Variants in LRRC58 observed in about 807,000 individuals in gnomAD.
LRRC58 encodes the protein leucine-rich repeat-containing protein 58.
Under a neutral mutation model 30.6 loss-of-function variants are expected in LRRC58, and 18 were observed. That is an observed-to-expected ratio of 0.59 (90% CI 0.41 to 0.87). The LOEUF (loss-of-function observed/expected upper bound fraction) is 0.87. LRRC58 is among the 40% of genes least tolerant of loss of function. The probability of loss-of-function intolerance (pLI) is 0.00; values close to 1 mark genes in which losing one functional copy is unlikely to be tolerated. For missense variants in LRRC58, 420 were observed against 468.4 expected (o/e 0.90, Z 0.95); for synonymous variants, 221 against 206.0 (o/e 1.07, Z -0.62).
At position 120,332,698 on chromosome 3, in the gene LRRC58, A is replaced by G. The variant is rs930438347; in HGVS notation, c.908-1290T>C. Among the ~76,000 whole-genome samples, 14 of 152,162 alleles carry G rather than the reference A, an allele frequency of 9.2e-5. 1 individual carries two copies. The highest frequency in any genetic ancestry group is 4.6e-4 in the Admixed American group (7 of 15,276). On this transcript the variant is annotated intron_variant, in intron 3 of 3. Coordinates refer to ENST00000295628, the MANE Select transcript of LRRC58 (RefSeq NM_001099678.2). Reference sequence around the variant, plus strand: ...TACAGTTTAATAACTAACGAATTTGAGGGGGAAAATGTCTAATGGTTCATT... The same window carrying G: ...TACAGTTTAATAACTAACGAATTTGGGGGGGAAAATGTCTAATGGTTCATT...
chr3:120,330,859 T>C lies in LRRC58; in HGVS notation c.*341A>G, dbSNP rs992353454. The C allele has an allele frequency of 1.7e-5, 5 of 301,690 alleles. No homozygotes were observed. Among genetic ancestry groups the C allele is most frequent in the African/African-American group, 1.1e-4 (5 of 46,066 alleles). 18.7% of individuals were successfully genotyped at this position (301,690 alleles called of 1,614,324 possible). ...CTTTGATAATTTCTCACTTTCTCCA[T>C]CTCAATGTCCAAAAGTTATACTACT... On this transcript the variant is annotated 3_prime_UTR_variant, in exon 4 of 4. Coordinates refer to ENST00000295628, the MANE Select transcript of LRRC58 (RefSeq NM_001099678.2).
In LRRC58 at chr3:120,349,086, T is replaced by C; in HGVS notation, c.158A>G (p.His53Arg). Reference protein sequence around the residue: ...REALLRLLLPHNRLVSLPRAL... With the variant: ...REALLRLLLPRNRLVSLPRAL... ...CCGTGGCAGCGACACCAGACGGTTG[T>C]GAGGCAGCAGCAGCCGCAGCAGCGC... Residue 53 changes from histidine to arginine, a missense_variant, in exon 1 of 4, where the codon CAC becomes CGC. Physicochemically the swap from His to Arg is conservative, Grantham distance 29. Around this residue, in one of 2 missense-constraint regions of LRRC58, gnomAD observed 266 missense variants for 251.7 expected, o/e 1.06. Transcript: ENST00000295628. 1.3e-6 allele frequency: 2 copies of C among 1,515,332 alleles called. No individual in the cohort carries two copies. Among genetic ancestry groups the C allele is most frequent in the Non-Finnish European group, 1.8e-6 (2 of 1,140,340 alleles). 93.9% of individuals were successfully genotyped at this position (1,515,332 alleles called of 1,614,324 possible). A position where few individuals can be genotyped will look rare whatever the true frequency, so the allele number is the denominator to read the frequency against.
At chr3:120,333,565 T>C (rs1935790728) in intron 3 of LRRC58, among the ~76,000 whole-genome samples, 1 of 152,236 alleles carries the variant, frequency 6.6e-6, no homozygotes. Context: ...CTTTTAACCT[T>C]GTAATAGCTT....
chr3:120,335,665 A>G (rs1467297127), intron 2 of LRRC58, among the ~76,000 whole-genome samples, 160 bp downstream of exon 2: 2 of 152,258 alleles, frequency 1.3e-5, no homozygotes, highest in African/African-American at 2.4e-5. Context: ...GTGAAATTAA[A>G]AAAACTCAGC....
chr3:120,346,722 A>C (rs987132413), intron 1 of LRRC58, among the ~76,000 whole-genome samples: 1 of 152,128 alleles, frequency 6.6e-6, no homozygotes, highest in Non-Finnish European at 1.5e-5. Context: ...TTTTCTCGAA[A>C]TCTTCCATTT....
rs923223599 is a variant in LRRC58 at position 120,326,717 on chromosome 3, G to A, written c.*4483C>T. 6.6e-6 allele frequency: 1 copy of A among 151,996 alleles called. No individual in the cohort carries two copies. The highest frequency in any genetic ancestry group is 6.6e-5 in the Admixed American group (1 of 15,260). 9.4% of individuals were successfully genotyped at this position (151,996 alleles called of 1,614,324 possible). On this transcript the variant is annotated 3_prime_UTR_variant, in exon 4 of 4. Coordinates refer to ENST00000295628, the MANE Select transcript of LRRC58 (RefSeq NM_001099678.2). ...CTCTGGATGAAAAAAGGATCATTTA[G>A]GTAAAAATTAAATGTTCCTAACTAA...
intron 1 of LRRC58, among the ~76,000 whole-genome samples, chr3:120,337,866 T>C (rs1347633764): frequency 6.6e-6 from 1 of 152,086 alleles, no homozygotes; most frequent in Admixed American, 6.6e-5. Context: ...TGAGACAGAC[T>C]CTTACTCTGT....
Position 120,349,220 on chromosome 3 carries a change from C to G in LRRC58, c.24G>C (p.Val8=). 7.0e-7 allele frequency: 1 copy of G among 1,419,674 alleles called. No individual in the cohort carries two copies. The highest frequency in any genetic ancestry group is 3.0e-5 in the East Asian group (1 of 33,664). 87.9% of individuals were successfully genotyped at this position (1,419,674 alleles called of 1,614,324 possible). A position where few individuals can be genotyped will look rare whatever the true frequency, so the allele number is the denominator to read the frequency against. Residue 8 remains valine (V), a synonymous_variant, in exon 1 of 4, where the codon GTG becomes GTC. Coordinates refer to ENST00000295628, the MANE Select transcript of LRRC58 (RefSeq NM_001099678.2). ...TCAGTTCGGCCTCCCCGGCCGTGAC[C>G]ACCGCTGCTCCGGCCTCCTCCATCC... MEEAGAA[V]VTAGEAELNW...
rs182639173 is a variant in LRRC58, at chr3:120,348,647, T to C, written c.500+97A>G. The C allele has an allele frequency of 4.6e-4, 626 of 1,350,420 alleles. 3 individuals are homozygous for C. In the Admixed American group the frequency reaches 0.016, roughly 36 times the overall value. The allele number at this position is 1,350,420 out of a possible 1,614,324, so 83.7% of individuals were successfully genotyped here. On this transcript the variant is annotated intron_variant, in intron 1 of 3. Coordinates refer to ENST00000295628, the MANE Select transcript of LRRC58 (RefSeq NM_001099678.2). ...CACAGTTAAAGAGAAAGCTTGGAAA[T>C]AGTTACGTGACAAACGTTGAGGTGC... is the stretch of plus-strand genomic sequence containing the variant.
At position 120,329,217 on chromosome 3, in the gene LRRC58, A is replaced by T. The variant is rs890843735; in HGVS notation, c.*1983T>A. ...CTATGAATACATTATTTTCTATGAAAATATCTTATGTATCTTAGGTAAGTC... is the reference window on the plus strand; with the variant it reads ...CTATGAATACATTATTTTCTATGAATATATCTTATGTATCTTAGGTAAGTC... On this transcript the variant is annotated 3_prime_UTR_variant, in exon 4 of 4. Coordinates refer to ENST00000295628, the MANE Select transcript of LRRC58 (RefSeq NM_001099678.2). 6.6e-6 allele frequency: 1 copy of T among 152,120 alleles called. No individual in the cohort carries two copies. The highest frequency in any genetic ancestry group is 1.5e-5 in the Non-Finnish European group (1 of 67,972). 9.4% of individuals were successfully genotyped at this position (152,120 alleles called of 1,614,324 possible).
intron 1 of LRRC58, among the ~76,000 whole-genome samples, chr3:120,336,575 T>TAAAACTATG (rs1226820631): frequency 6.6e-6 from 1 of 152,174 alleles, no homozygotes; most frequent in Non-Finnish European, 1.5e-5. Context: ...GAATAGACTG[T>TAAAACTATG]AAAACTATGA....
In LRRC58 at chr3:120,331,120, T is replaced by G; in HGVS notation, c.*80A>C. 1 of 1,175,156 alleles carries G rather than the reference T, an allele frequency of 8.5e-7. No individual in the cohort carries two copies. The highest frequency in any genetic ancestry group is 1.3e-6 in the Non-Finnish European group (1 of 793,398). 72.8% of individuals were successfully genotyped at this position (1,175,156 alleles called of 1,614,324 possible). ...ACACTTAAGATGAAGATAAGATTTC[T>G]AGTGAACTTCAAGCTCTATTTTCTT... On this transcript the variant is annotated 3_prime_UTR_variant, in exon 4 of 4. Coordinates refer to ENST00000295628, the MANE Select transcript of LRRC58 (RefSeq NM_001099678.2).
At position 120,349,205 on chromosome 3, in the gene LRRC58, C is replaced by T. The variant is rs1282181024; in HGVS notation, c.39G>A (p.Glu13=). 54 of 1,448,124 alleles carry T rather than the reference C, an allele frequency of 3.7e-5. No individual in the cohort carries two copies. Among genetic ancestry groups the T allele is most frequent in the Non-Finnish European group, 4.4e-5 (49 of 1,106,042 alleles). 89.7% of individuals were successfully genotyped at this position (1,448,124 alleles called of 1,614,324 possible). A position where few individuals can be genotyped will look rare whatever the true frequency, so the allele number is the denominator to read the frequency against. Residue 13 remains glutamate (E), a synonymous_variant, in exon 1 of 4, where the codon GAG becomes GAA. Transcript: ENST00000295628. ...TGAGGCGGGACCAGTTCAGTTCGGC[C>T]TCCCCGGCCGTGACCACCGCTGCTC... ...EAGAAVVTAG[E]AELNWSRLSV... is the part of the protein sequence containing the mutation.
chr3:120,329,235 G>C lies in LRRC58; in HGVS notation c.*1965C>G, dbSNP rs966746171. ...CTATGAAAATATCTTATGTATCTTAGGTAAGTCACTTATTTACAAAACATT... is the reference window on the plus strand; with the variant it reads ...CTATGAAAATATCTTATGTATCTTACGTAAGTCACTTATTTACAAAACATT... On this transcript the variant is annotated 3_prime_UTR_variant, in exon 4 of 4. Transcript: ENST00000295628. The C allele has an allele frequency of 8.6e-5, 13 of 151,892 alleles. No individual in the cohort carries two copies. Among genetic ancestry groups the C allele is most frequent in the Admixed American group, 2.0e-4 (3 of 15,256 alleles). 9.4% of individuals were successfully genotyped at this position (151,892 alleles called of 1,614,324 possible). A position where few individuals can be genotyped will look rare whatever the true frequency, so the allele number is the denominator to read the frequency against.
At chr3:120,342,559 G>A (rs1309769286) in intron 1 of LRRC58, among the ~76,000 whole-genome samples, 1 of 152,148 alleles carries the variant, frequency 6.6e-6, no homozygotes, top group Non-Finnish European at 1.5e-5. Context: ...TGCTTGAGGA[G>A]AGGGGCCACC....
chr3:120,331,022 G>T lies in LRRC58; in HGVS notation c.*178C>A. 1.6e-6 allele frequency: 1 copy of T among 607,228 alleles called. No individual in the cohort carries two copies. The highest frequency in any genetic ancestry group is 2.0e-5 in the South Asian group (1 of 48,804). 37.6% of individuals were successfully genotyped at this position (607,228 alleles called of 1,614,324 possible). A position where few individuals can be genotyped will look rare whatever the true frequency, so the allele number is the denominator to read the frequency against. On this transcript the variant is annotated 3_prime_UTR_variant, in exon 4 of 4. Transcript: ENST00000295628. ...ATTATGTTAAAATAATCTAAACATG[G>T]GACTGGACTCATTCTTGCTGAATGG...
chr3:120,341,161 C>G (rs1576183977), intron 1 of LRRC58, among the ~76,000 whole-genome samples: 4 of 152,240 alleles, frequency 2.6e-5, no homozygotes. Context: ...TAAAATTCTA[C>G]CAAGTATGGC....
At position 120,349,104 on chromosome 3, in the gene LRRC58, A is replaced by T. The variant is rs1936019108; in HGVS notation, c.140T>A (p.Leu47Gln). The T allele has an allele frequency of 2.6e-6, 4 of 1,511,758 alleles. No individual in the cohort carries two copies. The highest frequency in any genetic ancestry group is 3.5e-6 in the Non-Finnish European group (4 of 1,138,720). 93.6% of individuals were successfully genotyped at this position (1,511,758 alleles called of 1,614,324 possible). A position where few individuals can be genotyped will look rare whatever the true frequency, so the allele number is the denominator to read the frequency against. The change falls in exon 1 of 4, where the codon CTG becomes CAG. Residue 47 changes from leucine (L) to glutamine (Q), a missense_variant. Around this residue, in one of 2 missense-constraint regions of LRRC58, gnomAD observed 266 missense variants for 251.7 expected, o/e 1.06. Transcript: ENST00000295628. ...EERRGAREAL[L>Q]RLLLPHNRLV... ...ACGGTTGTGAGGCAGCAGCAGCCGC[A>T]GCAGCGCCTCCCGCGCCCCGCGCCG...
chr3:120,347,173 C>T (rs1057463260), intron 1 of LRRC58, among the ~76,000 whole-genome samples: 19 of 152,048 alleles, frequency 1.2e-4, no homozygotes, highest in Admixed American at 1.2e-3. Flanking sequence ...GGATCATGTT[C>T]ACCATTGTAT....
Sources: allele counts gnomAD v4.1 joint callset (sites outside exome capture counted in the v4.1 genomes callset), GRCh38; gene constraint gnomAD v4.1.1; regional missense constraint gnomAD v4.1.1; transcripts MANE v1.5; gene names NCBI Gene and HGNC (gene_info 2026-07-23, HGNC 2026-07-21).